The following LIMK1 variants were observed in gnomAD, a reference collection of about 807,000 sequenced individuals.
LIMK1 encodes the protein LIM motif-containing protein kinase.
A neutral mutation model predicts 77.6 loss-of-function variants in LIMK1; 21 were observed. The ratio of observed to expected loss-of-function variants is 0.27; its 90% CI spans 0.19 to 0.39. The LOEUF is 0.39. Among genes scored for constraint, LIMK1 ranks in the 10% least tolerant of loss-of-function variants. The pLI, the probability that LIMK1 is intolerant of heterozygous loss-of-function variation, is 1.00. For synonymous variants in LIMK1, 358 were observed against 370.0 expected (o/e 0.97, Z 0.37); for missense variants, 696 against 901.6 (o/e 0.77, Z 2.92).
intron 14 of LIMK1, 99 bp from the exon 15 acceptor site, chr7:74,120,793 G>A: frequency 1.9e-6 from 3 of 1,566,702 alleles, no homozygotes; most frequent in Non-Finnish European, 2.6e-6. Flanking sequence ...TCAGGCTGCA[G>A]CCAGGCCCAG....
chr7:74,109,673 G>A lies in LIMK1; in HGVS notation c.1284+637G>A, dbSNP rs117112484. On this transcript the variant is annotated intron_variant, in intron 10 of 15. Transcript: ENST00000336180. ...GAGTTCGAGACCATCCTGGTAACCCGTCTCTACTAAAAATACAAAAAATTA... is the reference window on the plus strand; with the variant it reads ...GAGTTCGAGACCATCCTGGTAACCCATCTCTACTAAAAATACAAAAAATTA... 1,015 of 153,168 alleles carry A rather than the reference G, an allele frequency of 6.6e-3. 6 individuals are homozygous for A. Among genetic ancestry groups the A allele is most frequent in the Non-Finnish European group, 0.011 (767 of 68,724 alleles). 9.5% of individuals were successfully genotyped at this position (153,168 alleles called of 1,614,324 possible). A position where few individuals can be genotyped will look rare whatever the true frequency, so the allele number is the denominator to read the frequency against.
At chr7:74,108,344 A>G (rs1052407313) in intron 9 of LIMK1, among the ~76,000 whole-genome samples, 1 of 151,486 alleles carries the variant, frequency 6.6e-6, no homozygotes, top group African/African-American at 2.4e-5. Flanking sequence ...TGTCCAAAAA[A>G]AATAAAAGTA....
Position 74,097,070 on chromosome 7 carries a change from C to T in LIMK1, c.292-10C>T. On this transcript the variant is annotated splice_polypyrimidine_tract_variant and intron_variant, in intron 3 of 15. Coordinates refer to ENST00000336180, the MANE Select transcript of LIMK1 (RefSeq NM_002314.4). ...TGAGCTGGGCTGTTCCCTCCTCACC[C>T]CCGCACCAGGTGGCTGGGGAGCTGA... The T allele has an allele frequency of 3.7e-6, 6 of 1,603,588 alleles. No homozygotes were observed. The highest frequency in any genetic ancestry group is 5.1e-6 in the Non-Finnish European group (6 of 1,172,542).
intron 2 of LIMK1, among the ~76,000 whole-genome samples, chr7:74,090,515 A>G (rs1799216915): frequency 6.6e-6 from 1 of 152,174 alleles, no homozygotes; most frequent in Non-Finnish European, 1.5e-5. Context: ...AGAGCAGCTC[A>G]GAGGGGGTCA....
At chr7:74,096,554 G>A (rs926043124) in intron 2 of LIMK1, 68 bp from the exon 3 acceptor site, 52 of 1,591,856 alleles carry the variant, frequency 3.3e-5, no homozygotes, top group African/African-American at 2.8e-4. Context: ...GCCTGTAGCC[G>A]AGGCAGGGGC....
chr7:74,092,317 C>A (rs1308736201), intron 2 of LIMK1, among the ~76,000 whole-genome samples: 3 of 152,138 alleles, frequency 2.0e-5, no homozygotes, highest in Admixed American at 1.3e-4. Context: ...CTGCTCCTGT[C>A]CCCTGGCCCC....
At chr7:74,095,888 G>A (rs1799327926) in intron 2 of LIMK1, among the ~76,000 whole-genome samples, 1 of 151,892 alleles carries the variant, frequency 6.6e-6, no homozygotes, top group Non-Finnish European at 1.5e-5. Context: ...GGCCTCCTTG[G>A]TAGCCTCTAG....
In LIMK1 at chr7:74,084,058, C is replaced by G; in HGVS notation, c.55+13C>G. The G allele has an allele frequency of 6.8e-7, 1 of 1,464,902 alleles. No individual in the cohort carries two copies. The highest frequency in any genetic ancestry group is 9.1e-7 in the Non-Finnish European group (1 of 1,094,730). The allele number at this position is 1,464,902 out of a possible 1,614,324, so 90.7% of individuals were successfully genotyped here. A position where few individuals can be genotyped will look rare whatever the true frequency, so the allele number is the denominator to read the frequency against. On this transcript the variant is annotated intron_variant, in intron 1 of 15. Transcript: ENST00000336180. ...ATGGGAGAGGAAGGTGCGCGGGCCG[C>G]GGGGTGTGGGGCGAGGGCCTGGAGG...
At position 74,121,614 on chromosome 7, in the gene LIMK1, C is replaced by T; in HGVS notation, c.*313C>T. Reference sequence around the variant, plus strand: ...TGTGAGTTACGCCCCTTTCCACACGCCGCTGCCCCAGCAACCCTGTTCACG... The same window carrying T: ...TGTGAGTTACGCCCCTTTCCACACGTCGCTGCCCCAGCAACCCTGTTCACG... On this transcript the variant is annotated 3_prime_UTR_variant, in exon 16 of 16. Coordinates refer to ENST00000336180, the MANE Select transcript of LIMK1 (RefSeq NM_002314.4). 1 of 349,936 alleles carries T rather than the reference C, an allele frequency of 2.9e-6. No individual in the cohort carries two copies. The highest frequency in any genetic ancestry group is 5.2e-6 in the Non-Finnish European group (1 of 192,266). 21.7% of individuals were successfully genotyped at this position (349,936 alleles called of 1,614,324 possible). A position where few individuals can be genotyped will look rare whatever the true frequency, so the allele number is the denominator to read the frequency against.
At chr7:74,115,481 C>A in intron 12 of LIMK1, 1 of 311,688 alleles carries the variant, frequency 3.2e-6, no homozygotes, top group Non-Finnish European at 6.0e-6. Flanking sequence ...TCAGTGCCCC[C>A]GCAGGTGGGA....
In LIMK1 at chr7:74,099,167, A is replaced by G; in HGVS notation, c.537A>G (p.Ser179=). 2.5e-6 allele frequency: 4 copies of G among 1,613,204 alleles called. No homozygotes were observed. Among genetic ancestry groups the G allele is most frequent in the Non-Finnish European group, 3.4e-6 (4 of 1,180,020 alleles). ...CATCTCATGGCAAGCGTGGACTTTC[A>G]GTCTCCATTGACCCCCCGCACGGCC... The part of the protein sequence containing the change: ...PASSHGKRGL[S]VSIDPPHGPP... The change falls in exon 5 of 16, where the codon TCA becomes TCG. Residue 179 remains serine (S), a synonymous_variant. Transcript: ENST00000336180.
intron 4 of LIMK1, among the ~76,000 whole-genome samples, chr7:74,097,432 T>C (rs1238751005): frequency 6.6e-6 from 1 of 152,212 alleles, no homozygotes; most frequent in Non-Finnish European, 1.5e-5. Flanking sequence ...ACCCAGCACT[T>C]TGGGATTCCG....
chr7:74,107,703 G>A (rs1361009655), intron 8 of LIMK1, among the ~76,000 whole-genome samples, 168 bp from the exon 9 acceptor site: 2 of 151,746 alleles, frequency 1.3e-5, no homozygotes, highest in South Asian at 2.1e-4. Context: ...AAAAGACAAG[G>A]GATTAATACA....
chr7:74,090,466 G>C (rs1163519675), intron 2 of LIMK1, among the ~76,000 whole-genome samples: 1 of 152,134 alleles, frequency 6.6e-6, no homozygotes, highest in African/African-American at 2.4e-5. Flanking sequence ...ACTCCCAACA[G>C]TCCCCAAAGC....
chr7:74,097,363 A>G (rs554873280), intron 4 of LIMK1, among the ~76,000 whole-genome samples, 174 bp downstream of exon 4: 4 of 152,232 alleles, frequency 2.6e-5, no homozygotes, highest in Non-Finnish European at 5.9e-5. Flanking sequence ...GAGAAATAAC[A>G]CACAGAAGTC....
At position 74,101,471 on chromosome 7, in the gene LIMK1, C is replaced by T. The variant is rs532770784; in HGVS notation, c.608+2233C>T. ...TGCAGCAAGCTATGATGACACCATG[C>T]ATTCCAGCTTGGGCGACAGAGCGAG... On this transcript the variant is annotated intron_variant, in intron 5 of 15. Coordinates refer to ENST00000336180, the MANE Select transcript of LIMK1 (RefSeq NM_002314.4). Among the ~76,000 whole-genome samples the T allele has an allele frequency of 4.7e-3, 709 of 152,308 alleles. 5 individuals are homozygous for T. The highest frequency in any genetic ancestry group is 0.016 in the African/African-American group (683 of 41,570).
At chr7:74,109,057 G>A (rs1464829412) in intron 10 of LIMK1, 21 bp downstream of exon 10, 1 of 1,592,624 alleles carries the variant, frequency 6.3e-7, no homozygotes, top group East Asian at 2.2e-5. Flanking sequence ...GGCAGAGCCA[G>A]CCACCCCCGC....
chr7:74,085,566 A>G (rs1376119580), intron 1 of LIMK1, among the ~76,000 whole-genome samples, 182 bp from the exon 2 acceptor site: 1 of 152,212 alleles, frequency 6.6e-6, no homozygotes, highest in African/African-American at 2.4e-5. Context: ...TCTCAGCAAG[A>G]CTCAGGCCAG....
At chr7:74,105,828 C>T (rs1554697323) in intron 5 of LIMK1, 47 bp from the exon 6 acceptor site, 3 of 1,430,664 alleles carry the variant, frequency 2.1e-6, no homozygotes, top group African/African-American at 1.4e-5. Flanking sequence ...CCTGTTGGGG[C>T]TCTGAGGGAC....
Sources: allele counts gnomAD v4.1 joint callset (sites outside exome capture counted in the v4.1 genomes callset), GRCh38; gene constraint gnomAD v4.1.1; transcripts MANE v1.5; gene names NCBI Gene and HGNC (gene_info 2026-07-23, HGNC 2026-07-21).